CEP170: variants seen among roughly 807,000 people sequenced by gnomAD.
CEP170 encodes centrosomal protein of 170 kDa.
Under a neutral mutation model 151.9 loss-of-function variants are expected in CEP170, and 21 were observed. That is an observed-to-expected ratio of 0.14 (90% confidence interval 0.10 to 0.20). The LOEUF is 0.20. CEP170 is among the 10% of genes least tolerant of loss of function. The probability of loss-of-function intolerance (pLI) is 1.00; values close to 1 mark genes in which losing one functional copy is unlikely to be tolerated. For missense variants in CEP170, 964 were observed against 1,892.9 expected, an observed-to-expected ratio of 0.51 and a Z score of 9.11; for synonymous variants, 356 against 648.8, an observed-to-expected ratio of 0.55 and a Z score of 6.86.
intron 10 of CEP170, among the ~76,000 whole-genome samples, chr1:243,178,031 C>T (rs932040122): frequency 2.0e-5 from 3 of 151,838 alleles, no homozygotes; most frequent in African/African-American, 7.3e-5. Context: ...ATTTATTCAG[C>T]CATAAAAAGG....
intron 17 of CEP170, 76 bp from the exon 18 acceptor site, chr1:243,129,529 G>A: frequency 2.0e-6 from 2 of 999,072 alleles, no homozygotes; most frequent in East Asian, 5.7e-5. Flanking sequence ...TAATACCAAA[G>A]CAATGTATCT....
At chr1:243,178,358 T>TACA (rs2059393792) in intron 10 of CEP170, among the ~76,000 whole-genome samples, 1 of 146,038 alleles carries the variant, frequency 6.8e-6, no homozygotes, top group African/African-American at 2.6e-5. Flanking sequence ...TGATACAGGT[T>TACA]ACAACACATG....
chr1:243,200,971 A>T, intron 4 of CEP170, 136 bp from the exon 5 acceptor site: 2 of 721,940 alleles, frequency 2.8e-6, no homozygotes, highest in South Asian at 2.5e-5. Flanking sequence ...CTGAATAGTT[A>T]AATATTAAAA....
At chr1:243,198,682 G>T (rs2060820691) in intron 7 of CEP170, among the ~76,000 whole-genome samples, 1 of 151,870 alleles carries the variant, frequency 6.6e-6, no homozygotes, top group Non-Finnish European at 1.5e-5. Context: ...ATTATATTCT[G>T]GGGATCTAAT....
At chr1:243,226,675 T>A (rs947062843) in intron 1 of CEP170, among the ~76,000 whole-genome samples, 1 of 152,186 alleles carries the variant, frequency 6.6e-6, no homozygotes, top group African/African-American at 2.4e-5. Context: ...TTAATGAACT[T>A]TTCACACAAT....
At chr1:243,173,600 G>T (rs1200840156) in intron 10 of CEP170, among the ~76,000 whole-genome samples, 1 of 151,658 alleles carries the variant, frequency 6.6e-6, no homozygotes, top group Non-Finnish European at 1.5e-5. Context: ...GCTGGGCATG[G>T]TGCCATGTGC....
At chr1:243,195,924 A>G (rs1306936939) in intron 7 of CEP170, among the ~76,000 whole-genome samples, 2 of 151,968 alleles carry the variant, frequency 1.3e-5, no homozygotes, top group African/African-American at 4.8e-5. Context: ...AATCAGCTGT[A>G]TCTGACAGGG....
intron 1 of CEP170, among the ~76,000 whole-genome samples, chr1:243,231,296 T>G (rs2063742773): frequency 6.6e-6 from 1 of 151,672 alleles, no homozygotes; most frequent in African/African-American, 2.4e-5. Context: ...GTCAGTACAG[T>G]GCCCTACAAA....
chr1:243,217,716 TTAAC>T (rs2062427409), intron 3 of CEP170, among the ~76,000 whole-genome samples: 2 of 152,138 alleles, frequency 1.3e-5, no homozygotes, highest in African/African-American at 4.8e-5. Flanking sequence ...GAAAAATCAT[TTAAC>T]TAGATCAAAT....
rs748081004 is a variant in CEP170, at chr1:243,225,141, G to A, written c.105+35C>T. The A allele has an allele frequency of 4.6e-6, 6 of 1,313,828 alleles. No homozygotes were observed. In the South Asian group the frequency reaches 7.4e-5, roughly 16 times the overall value. The allele number at this position is 1,313,828 out of a possible 1,614,324, so 81.4% of individuals were successfully genotyped here. Reference sequence around the variant, plus strand: ...AGATTTTACACTAATTTCAAGTTTTGAATAAACACATATAGAGAAGCTTGA... The same window carrying A: ...AGATTTTACACTAATTTCAAGTTTTAAATAAACACATATAGAGAAGCTTGA... On this transcript the variant is annotated intron_variant, in intron 2 of 19. Transcript: ENST00000366542.
At chr1:243,141,262 A>G (rs997307307) in intron 15 of CEP170, among the ~76,000 whole-genome samples, 6 of 152,064 alleles carry the variant, frequency 3.9e-5, no homozygotes. Flanking sequence ...TTATTTATAA[A>G]GAGACAGATA....
intron 14 of CEP170, among the ~76,000 whole-genome samples, chr1:243,154,172 C>T (rs1324672358): frequency 6.6e-6 from 1 of 152,190 alleles, no homozygotes; most frequent in Non-Finnish European, 1.5e-5. Flanking sequence ...GTGAAATAGT[C>T]CTAAATTCTA....
rs145835419 is a variant in CEP170 at position 243,253,680 on chromosome 1, T to C, written c.-42+1360A>G. 4.7e-3 allele frequency among the ~76,000 whole-genome samples: 709 copies of C among 152,318 alleles called. 8 individuals are homozygous for C. The highest frequency in any genetic ancestry group is 0.016 in the African/African-American group (673 of 41,564). ...TATACCAGTGAAGATCCAGATACTA[T>C]AGTCATAATGTCACTCTCTCCTCTC... On this transcript the variant is annotated intron_variant, in intron 1 of 19. Coordinates refer to ENST00000366542, the MANE Select transcript of CEP170 (RefSeq NM_014812.3).
chr1:243,173,330 G>A (rs1375320961), intron 10 of CEP170, among the ~76,000 whole-genome samples: 2 of 151,908 alleles, frequency 1.3e-5, no homozygotes, highest in East Asian at 3.9e-4. Context: ...AAACTGCTGG[G>A]ATTACAGGCA....
At chr1:243,228,907 A>G (rs1479830309) in intron 1 of CEP170, among the ~76,000 whole-genome samples, 1 of 152,198 alleles carries the variant, frequency 6.6e-6, no homozygotes, top group East Asian at 1.9e-4. Context: ...AATACAAACA[A>G]AACACATTAA....
intron 14 of CEP170, among the ~76,000 whole-genome samples, chr1:243,144,945 A>C (rs2056291623): frequency 6.6e-6 from 1 of 152,188 alleles, no homozygotes; most frequent in Non-Finnish European, 1.5e-5. Context: ...TGTAGAAATA[A>C]GTATGCATTA....
chr1:243,132,968 T>A (rs1159751144), intron 17 of CEP170, among the ~76,000 whole-genome samples: 1 of 152,192 alleles, frequency 6.6e-6, no homozygotes, highest in African/African-American at 2.4e-5. Flanking sequence ...ATAGCACTGG[T>A]GTATCAAGAG....
At chr1:243,155,299 A>G (rs2057447777) in intron 14 of CEP170, among the ~76,000 whole-genome samples, 1 of 152,228 alleles carries the variant, frequency 6.6e-6, no homozygotes, top group Non-Finnish European at 1.5e-5. Context: ...AAAAAACACA[A>G]TTCACAGAAG....
Position 243,124,762 on chromosome 1 carries a change from G to A in CEP170, c.*1687C>T, listed in dbSNP as rs568409558. On this transcript the variant is annotated 3_prime_UTR_variant, in exon 20 of 20. Transcript: ENST00000366542. Reference sequence around the variant, plus strand: ...TGGATTGACCCTGTTTTAACATTTCGTTTATTCCTTCAAAGCATTTGTATC... The same window carrying A: ...TGGATTGACCCTGTTTTAACATTTCATTTATTCCTTCAAAGCATTTGTATC... 7 of 152,492 alleles carry A rather than the reference G, an allele frequency of 4.6e-5. No individual in the cohort carries two copies. Among genetic ancestry groups the A allele is most frequent in the Admixed American group, 1.3e-4 (2 of 15,272 alleles). 9.4% of individuals were successfully genotyped at this position (152,492 alleles called of 1,614,324 possible). A position where few individuals can be genotyped will look rare whatever the true frequency, so the allele number is the denominator to read the frequency against.
Sources: allele counts gnomAD v4.1 joint callset (sites outside exome capture counted in the v4.1 genomes callset), GRCh38; gene constraint gnomAD v4.1.1; transcripts MANE v1.5; gene names NCBI Gene and HGNC (gene_info 2026-07-23, HGNC 2026-07-21).